MBNL1: variants seen among roughly 807,000 people sequenced by gnomAD.
The protein encoded by MBNL1 is muscleblind-like protein 1.
MBNL1 carries 8 observed loss-of-function variants against 42.2 expected under a neutral mutation model. The ratio of observed to expected loss-of-function variants is 0.19; its 90% CI spans 0.11 to 0.34. MBNL1 has a LOEUF of 0.34. Among genes scored for constraint, MBNL1 ranks in the 10% least tolerant of loss-of-function variants. The probability of loss-of-function intolerance (pLI) is 1.00; values close to 1 mark genes in which losing one functional copy is unlikely to be tolerated. For synonymous variants in MBNL1, 169 were observed against 173.9 expected (o/e 0.97, Z 0.22); for missense variants, 309 against 495.3 (o/e 0.62, Z 3.57).
intron 4 of MBNL1, 143 bp from the exon 5 acceptor site, chr3:152,445,137 GAA>G (rs1254772547): frequency 6.5e-6 from 4 of 616,200 alleles, no homozygotes; most frequent in Non-Finnish European, 1.1e-5. Context: ...AGGAAATGCT[GAA>G]GTTACTTGTT....
chr3:152,312,335 A>G (rs934645725), intron 2 of MBNL1, among the ~76,000 whole-genome samples: 3 of 152,238 alleles, frequency 2.0e-5, no homozygotes, highest in Non-Finnish European at 2.9e-5. Flanking sequence ...TTCGATACCA[A>G]TAGCTAGTGT....
At chr3:152,269,518 G>A (rs913655856) in intron 1 of MBNL1, 5 of 455,206 alleles carry the variant, frequency 1.1e-5, no homozygotes, top group South Asian at 7.8e-5. Flanking sequence ...CCCTGGCCCC[G>A]GGGCTGCCAT....
intron 1 of MBNL1, among the ~76,000 whole-genome samples, chr3:152,294,914 A>C (rs529104777): frequency 3.2e-4 from 48 of 152,296 alleles, no homozygotes; most frequent in Admixed American, 2.0e-3. Flanking sequence ...TTCTTTTTTT[A>C]ATATAGAGAA....
chr3:152,347,869 A>G (rs1358841978), intron 2 of MBNL1, among the ~76,000 whole-genome samples: 2 of 152,184 alleles, frequency 1.3e-5, no homozygotes, highest in East Asian at 1.9e-4. Flanking sequence ...TTAAAAATAT[A>G]CTGTGAAAGT....
In MBNL1 at chr3:152,327,341, TTTTC is replaced by T. The variant is rs145352411; in HGVS notation, c.174+26986_174+26989del. Reference sequence around the variant, plus strand: ...TGTAGATATGAGCCCTGCTTTTTTCTTTTCTTTCTTTCTTTTTTTTTATTTGAGA... The same window carrying T: ...TGTAGATATGAGCCCTGCTTTTTTCTTTTCTTTCTTTTTTTTTATTTGAGA... On this transcript the variant is annotated intron_variant, in intron 2 of 9. Coordinates refer to ENST00000324210, the MANE Select transcript of MBNL1 (RefSeq NM_021038.5). Among the ~76,000 whole-genome samples the T allele has an allele frequency of 5.1e-3, 779 of 152,080 alleles. 7 individuals carry two copies. Among genetic ancestry groups the T allele is most frequent in the African/African-American group, 0.018 (732 of 41,504 alleles).
intron 2 of MBNL1, among the ~76,000 whole-genome samples, chr3:152,358,849 A>T (rs1158959826): frequency 6.6e-6 from 1 of 152,130 alleles, no homozygotes. Context: ...GGCTCAAGTG[A>T]TCTTCCCACC....
chr3:152,360,030 G>A (rs950551251), intron 2 of MBNL1, among the ~76,000 whole-genome samples: 11 of 152,176 alleles, frequency 7.2e-5, no homozygotes, highest in Non-Finnish European at 1.6e-4. Context: ...TGTTAGACAA[G>A]TCTTCAGTAT....
chr3:152,298,416 A>G (rs1470370091), intron 1 of MBNL1, among the ~76,000 whole-genome samples: 1 of 152,188 alleles, frequency 6.6e-6, no homozygotes, highest in Non-Finnish European at 1.5e-5. Context: ...CTCATCCCCC[A>G]CCCTCCAGCT....
upstream of MBNL1, chr3:152,268,693 CG>C (rs971698989): frequency 2.3e-6 from 1 of 440,556 alleles, no homozygotes; most frequent in African/African-American, 2.0e-5. Flanking sequence ...GCTGGGCGAC[CG>C]CCCATGACCC....
intron 2 of MBNL1, among the ~76,000 whole-genome samples, chr3:152,400,943 G>A (rs2098190856): frequency 6.6e-6 from 1 of 152,158 alleles, no homozygotes; most frequent in East Asian, 1.9e-4. Context: ...ACCAACCTGT[G>A]GTCTTCAGAG....
chr3:152,324,729 C>CAA (rs1254384386), intron 2 of MBNL1, among the ~76,000 whole-genome samples: 1 of 151,932 alleles, frequency 6.6e-6, no homozygotes, highest in Non-Finnish European at 1.5e-5. Context: ...CTCACTATAC[C>CAA]AATTGCCAAC....
intron 2 of MBNL1, among the ~76,000 whole-genome samples, chr3:152,343,440 T>C (rs1003434843): frequency 2.0e-5 from 3 of 152,086 alleles, no homozygotes; most frequent in Admixed American, 2.0e-4. Flanking sequence ...CTGAACACCT[T>C]GAGGTTGAGG....
intron 3 of MBNL1, among the ~76,000 whole-genome samples, chr3:152,427,713 T>TA (rs1176545694): frequency 6.6e-5 from 10 of 151,354 alleles, no homozygotes; most frequent in Non-Finnish European, 1.2e-4. Context: ...TGTGCTTTTT[T>TA]AAAAAAAATT....
At chr3:152,372,600 C>CAAA (rs2096717278) in intron 2 of MBNL1, among the ~76,000 whole-genome samples, 1 of 152,186 alleles carries the variant, frequency 6.6e-6, no homozygotes, top group Non-Finnish European at 1.5e-5. Context: ...CACTCCAGAC[C>CAAA]CTGTTTGCCT....
At chr3:152,393,604 T>C (rs2097804256) in intron 2 of MBNL1, among the ~76,000 whole-genome samples, 1 of 152,122 alleles carries the variant, frequency 6.6e-6, no homozygotes, top group African/African-American at 2.4e-5. Context: ...TTCTTGAGAG[T>C]GTTTCTCATG....
Position 152,449,113 on chromosome 3 carries a change from C to T in MBNL1, c.961+1340C>T, listed in dbSNP as rs537570189. Reference sequence around the variant, plus strand: ...GCAAGTTGCTGTGTCCCTAGATTTTCGCTGCCCCCAACAAACAATCCATCA... The same window carrying T: ...GCAAGTTGCTGTGTCCCTAGATTTTTGCTGCCCCCAACAAACAATCCATCA... On this transcript the variant is annotated intron_variant, in intron 6 of 9. Transcript: ENST00000324210. Among the ~76,000 whole-genome samples the T allele has an allele frequency of 2.5e-4, 38 of 152,224 alleles. 1 individual carries two copies. The highest frequency in any genetic ancestry group is 6.7e-4 in the African/African-American group (28 of 41,532).
intron 1 of MBNL1, among the ~76,000 whole-genome samples, chr3:152,280,306 G>A (rs1162241476): frequency 5.9e-5 from 9 of 152,000 alleles, no homozygotes; most frequent in Non-Finnish European, 1.3e-4. Flanking sequence ...AAAACCATTC[G>A]GTAGACAGGT....
chr3:152,358,022 C>T (rs182777774), intron 2 of MBNL1, among the ~76,000 whole-genome samples: 2 of 151,826 alleles, frequency 1.3e-5, no homozygotes, highest in African/African-American at 4.8e-5. Flanking sequence ...CACGCACGTG[C>T]GTGTATCTGT....
chr3:152,327,551 G>T (rs777865407), intron 2 of MBNL1, among the ~76,000 whole-genome samples: 2 of 151,622 alleles, frequency 1.3e-5, no homozygotes, highest in Non-Finnish European at 2.9e-5. Context: ...TTTCACCCAT[G>T]TTGGCCAGGC....
Sources: allele counts gnomAD v4.1 joint callset (sites outside exome capture counted in the v4.1 genomes callset), GRCh38; gene constraint gnomAD v4.1.1; transcripts MANE v1.5; gene names NCBI Gene and HGNC (gene_info 2026-07-23, HGNC 2026-07-21).